PRDM5: variants seen among roughly 807,000 people sequenced by gnomAD.
PRDM5 encodes the protein PR/SET domain 5.
Under a neutral mutation model 81.2 loss-of-function variants are expected in PRDM5, and 56 were observed. The observed-to-expected ratio is 0.69, with a 90% CI of 0.56 to 0.86. The LOEUF is 0.86. Among genes scored for constraint, PRDM5 ranks in the 40% least tolerant of loss-of-function variants. PRDM5 has a pLI of 0.00. For synonymous variants in PRDM5, 267 were observed against 256.4 expected (o/e 1.04, Z -0.39); for missense variants, 697 against 770.1 (o/e 0.91, Z 1.12).
intron 2 of PRDM5, among the ~76,000 whole-genome samples, chr4:120,867,718 G>A (rs898045908): frequency 1.3e-5 from 2 of 152,218 alleles, no homozygotes; most frequent in Admixed American, 6.5e-5. Context: ...CTTTCCCCAA[G>A]GGAGTGTTTT....
chr4:120,811,893 ATTCTT>A (rs1268707652), intron 7 of PRDM5, among the ~76,000 whole-genome samples: 1 of 152,016 alleles, frequency 6.6e-6, no homozygotes, highest in Non-Finnish European at 1.5e-5. Flanking sequence ...TTCCAATTCT[ATTCTT>A]TTATTTTTAA....
chr4:120,699,168 ATATATATATATATATATAT>A (rs1560889383), intron 15 of PRDM5, among the ~76,000 whole-genome samples: 18 of 29,180 alleles, frequency 6.2e-4, no homozygotes, highest in African/African-American at 1.2e-3. Flanking sequence ...ATAAATATAT[ATATATATATATATATATAT>A]ATATATATAT....
intron 8 of PRDM5, among the ~76,000 whole-genome samples, chr4:120,804,379 C>T (rs1261712771): frequency 6.6e-6 from 1 of 152,092 alleles, no homozygotes; most frequent in African/African-American, 2.4e-5. Context: ...CTCTCCACCC[C>T]AAATCAACAG....
At chr4:120,751,233 C>T (rs963517546) in intron 14 of PRDM5, among the ~76,000 whole-genome samples, 1 of 151,912 alleles carries the variant, frequency 6.6e-6, no homozygotes, top group Non-Finnish European at 1.5e-5. Flanking sequence ...TTTAAAAATC[C>T]AAGTGAAAAT....
At position 120,756,413 on chromosome 4, in the gene PRDM5, C is replaced by A. The variant is rs377257671; in HGVS notation, c.1538-1775G>T. 3.2e-4 allele frequency among the ~76,000 whole-genome samples: 48 copies of A among 152,246 alleles called. 1 individual carries two copies. In the South Asian group the frequency reaches 9.9e-3, roughly 32 times the overall value. On this transcript the variant is annotated intron_variant, in intron 13 of 15. Transcript: ENST00000264808. ...AAACTTGGGAGCCATCCAAGATAACCCCACACTTTTTTACTCACTTCTCCC... is the reference window on the plus strand; with the variant it reads ...AAACTTGGGAGCCATCCAAGATAACACCACACTTTTTTACTCACTTCTCCC...
intron 7 of PRDM5, among the ~76,000 whole-genome samples, chr4:120,815,481 C>A (rs1005424181): frequency 6.6e-6 from 1 of 152,222 alleles, no homozygotes; most frequent in Non-Finnish European, 1.5e-5. Context: ...TCGCAGCTAG[C>A]AGTTGTTCAC....
Position 120,710,400 on chromosome 4 carries a change from T to C in PRDM5, c.1637A>G (p.Lys546Arg). 1 of 1,614,082 alleles carries C rather than the reference T, an allele frequency of 6.2e-7. No homozygotes were observed. Among genetic ancestry groups the C allele is most frequent in the Non-Finnish European group, 8.5e-7 (1 of 1,180,006 alleles). Residue 546 changes from lysine (K) to arginine (R), a missense_variant, in exon 15 of 16, where the codon AAG becomes AGG. Around this residue, in one of 3 missense-constraint regions of PRDM5, gnomAD observed 86 missense variants for 135.2 expected, o/e 0.64. Coordinates refer to ENST00000264808, the MANE Select transcript of PRDM5 (RefSeq NM_018699.4). ...GAAGGCCTTGCTGCACTCTGAGCAC[T>C]TGTACGGCTTCTCCTGCAGTCAACA... The part of the protein sequence containing the change: ...IRTHTREKPY[K>R]CSECSKAFSQ...
intron 3 of PRDM5, among the ~76,000 whole-genome samples, chr4:120,821,671 G>A (rs1477496220): frequency 6.6e-6 from 1 of 151,472 alleles, no homozygotes. Flanking sequence ...ATGCAACAGT[G>A]TCATTCACAC....
intron 14 of PRDM5, among the ~76,000 whole-genome samples, chr4:120,743,816 C>T (rs1736230148): frequency 7.0e-6 from 1 of 142,192 alleles, no homozygotes; most frequent in African/African-American, 2.6e-5. Flanking sequence ...CTTAGACTCC[C>T]ACACATTAAT....
chr4:120,717,634 T>A (rs139720338), intron 14 of PRDM5, among the ~76,000 whole-genome samples: 1 of 152,218 alleles, frequency 6.6e-6, no homozygotes, highest in African/African-American at 2.4e-5. Flanking sequence ...AGCTTTCTTT[T>A]AGTTGAGCTA....
At chr4:120,890,547 G>T (rs760643921) in intron 2 of PRDM5, among the ~76,000 whole-genome samples, 15 of 152,190 alleles carry the variant, frequency 9.9e-5, no homozygotes, top group Non-Finnish European at 2.2e-4. Context: ...TCACCACACT[G>T]GTTTCCACAA....
chr4:120,809,131 A>G (rs1463837071), intron 8 of PRDM5, among the ~76,000 whole-genome samples: 4 of 152,086 alleles, frequency 2.6e-5, no homozygotes, highest in Non-Finnish European at 4.4e-5. Flanking sequence ...GTCACCTCTC[A>G]TTATCGCAAG....
chr4:120,912,053 T>G (rs1002605810), intron 1 of PRDM5, among the ~76,000 whole-genome samples: 1 of 152,186 alleles, frequency 6.6e-6, no homozygotes, highest in African/African-American at 2.4e-5. Context: ...GGGGAATATT[T>G]GAGTTAGCGA....
chr4:120,915,570 T>G (rs1208639134), intron 1 of PRDM5, among the ~76,000 whole-genome samples: 3 of 152,176 alleles, frequency 2.0e-5, no homozygotes, highest in Non-Finnish European at 4.4e-5. Context: ...GACCTTTTTC[T>G]CATATCAGAA....
At chr4:120,735,726 A>G (rs537134282) in intron 14 of PRDM5, among the ~76,000 whole-genome samples, 2 of 152,238 alleles carry the variant, frequency 1.3e-5, no homozygotes, top group African/African-American at 4.8e-5. Flanking sequence ...CAAGACGATG[A>G]CTGGGGGCAT....
chr4:120,897,963 T>G (rs754054022), intron 2 of PRDM5, among the ~76,000 whole-genome samples: 11 of 152,350 alleles, frequency 7.2e-5, no homozygotes, highest in Non-Finnish European at 1.3e-4. Flanking sequence ...GCTTTTATCA[T>G]TTTTAGTGAT....
chr4:120,895,071 A>G (rs2148638969), intron 2 of PRDM5, among the ~76,000 whole-genome samples: 1 of 152,318 alleles, frequency 6.6e-6, no homozygotes, highest in African/African-American at 2.4e-5. Context: ...ATAATGTTAA[A>G]TGTCCATAAT....
downstream of PRDM5, among the ~76,000 whole-genome samples, chr4:120,688,706 T>C (rs1388388183): frequency 2.6e-5 from 4 of 152,300 alleles, no homozygotes; most frequent in South Asian, 4.1e-4. Context: ...GTTTTCCTAA[T>C]ACCATTTATT....
intron 14 of PRDM5, 75 bp downstream of exon 14, chr4:120,754,478 T>G (rs758646255): frequency 2.9e-6 from 3 of 1,029,578 alleles, no homozygotes; most frequent in Non-Finnish European, 4.4e-6. Flanking sequence ...TTTTGTAATA[T>G]AAAGTTAAAT....
Sources: gnomAD v4.1 joint callset for allele counts (sites outside exome capture counted in the v4.1 genomes callset) on GRCh38, gnomAD v4.1.1 for gene constraint, gnomAD v4.1.1 regional missense constraint, MANE v1.5 for transcripts, NCBI Gene and HGNC (gene_info 2026-07-23, HGNC 2026-07-21) for gene names.